ANO1: variants seen among roughly 807,000 people sequenced by gnomAD.
The protein encoded by ANO1 is anoctamin-1.
Under a neutral mutation model 124.0 loss-of-function variants are expected in ANO1, and 59 were observed. That is an observed-to-expected ratio of 0.48 (90% confidence interval 0.39 to 0.59). ANO1 has a LOEUF of 0.59. Among genes scored for constraint, ANO1 ranks in the 20% least tolerant of loss-of-function variants. ANO1 has a pLI of 0.00. For synonymous variants in ANO1, 529 were observed against 532.0 expected, an observed-to-expected ratio of 0.99 and a Z score of 0.08; for missense variants, 1,059 against 1,328.0, an observed-to-expected ratio of 0.80 and a Z score of 3.15.
chr11:69,987,115 A>G (rs1169454033), intron 1 of ANO1, among the ~76,000 whole-genome samples: 2 of 151,914 alleles, frequency 1.3e-5, no homozygotes, highest in African/African-American at 2.4e-5. Context: ...GCTTCTTTCT[A>G]GAAGTGACAC....
At chr11:70,171,828 C>T (rs1042976437) in intron 22 of ANO1, among the ~76,000 whole-genome samples, 2 of 152,062 alleles carry the variant, frequency 1.3e-5, no homozygotes, top group African/African-American at 2.4e-5. Context: ...ATGAGCTGGG[C>T]GTGATGGTGC....
chr11:70,168,839 G>A (rs373526084), intron 21 of ANO1, among the ~76,000 whole-genome samples: 1 of 152,148 alleles, frequency 6.6e-6, no homozygotes, highest in African/African-American at 2.4e-5. Flanking sequence ...CCTGTTAGCC[G>A]AATTGTCCAC....
At chr11:70,135,654 T>A (rs971542271) in intron 11 of ANO1, among the ~76,000 whole-genome samples, 2 of 152,178 alleles carry the variant, frequency 1.3e-5, no homozygotes, top group Non-Finnish European at 2.9e-5. Context: ...CTCCCTCCTC[T>A]GCAGAGAAAG....
chr11:70,066,574 T>C (rs1013383940), intron 1 of ANO1, among the ~76,000 whole-genome samples: 8 of 146,198 alleles, frequency 5.5e-5, no homozygotes, highest in African/African-American at 2.0e-4. Flanking sequence ...ATTTGCCAAA[T>C]GTCTGCAATG....
At chr11:69,969,540 G>A in the ANO1 span, among the ~76,000 whole-genome samples, 1 of 152,306 alleles carries the variant, frequency 6.6e-6, no homozygotes, top group Non-Finnish European at 1.5e-5. Flanking sequence ...CTTTAGACTA[G>A]GAACCTGAGC....
chr11:70,002,137 C>G (rs1333387994), intron 1 of ANO1, among the ~76,000 whole-genome samples: 8 of 152,044 alleles, frequency 5.3e-5, no homozygotes, highest in African/African-American at 1.9e-4. Flanking sequence ...TTTAATGTAC[C>G]TTTTCTATGT....
At chr11:70,059,607 A>G (rs1440681899) in intron 1 of ANO1, among the ~76,000 whole-genome samples, 6 of 152,160 alleles carry the variant, frequency 3.9e-5, no homozygotes, top group Non-Finnish European at 4.4e-5. Flanking sequence ...ATGCGTAGGA[A>G]AAGGAGGAGG....
In ANO1 at chr11:70,126,196, G is replaced by A. The variant is rs1305472188; in HGVS notation, c.1097+1G>A. 1 of 1,610,718 alleles carries A rather than the reference G, an allele frequency of 6.2e-7. No homozygotes were observed. Among genetic ancestry groups the A allele is most frequent in the Non-Finnish European group, 8.5e-7 (1 of 1,178,668 alleles). On this transcript the variant is annotated splice_donor_variant, in intron 10 of 25. Transcript: ENST00000355303. LOFTEE classifies it high-confidence loss of function. Reference sequence around the variant, plus strand: ...CCACCATGGATGAAAACATCCCCAGGTAGGCGGCAGCCCACCCCCACCACC... The same window carrying A: ...CCACCATGGATGAAAACATCCCCAGATAGGCGGCAGCCCACCCCCACCACC...
At chr11:70,018,169 A>G (rs1343565273) in intron 1 of ANO1, 1 of 152,036 alleles carries the variant, frequency 6.6e-6, no homozygotes, top group Non-Finnish European at 1.5e-5. Context: ...AGTCTGGGCA[A>G]CAGAGCAAGA....
intron 2 of ANO1, among the ~76,000 whole-genome samples, chr11:70,094,695 G>A (rs1273157314): frequency 6.6e-6 from 1 of 152,176 alleles, no homozygotes; most frequent in East Asian, 1.9e-4. Flanking sequence ...CCCAGGGGAG[G>A]AAGAATGGGC....
chr11:70,168,137 G>A (rs536988303), intron 21 of ANO1, among the ~76,000 whole-genome samples: 108 of 152,252 alleles, frequency 7.1e-4, no homozygotes, highest in African/African-American at 2.3e-3. Context: ...GGTGTGGTCC[G>A]CACAGCTCTG....
chr11:70,094,067 G>A (rs1359772363), intron 2 of ANO1, among the ~76,000 whole-genome samples: 1 of 152,210 alleles, frequency 6.6e-6, no homozygotes, highest in Non-Finnish European at 1.5e-5. Context: ...TAATCCTCGA[G>A]CCCACAGAGG....
intron 1 of ANO1, among the ~76,000 whole-genome samples, chr11:70,084,079 G>A (rs1057385816): frequency 2.6e-5 from 4 of 152,088 alleles, no homozygotes; most frequent in East Asian, 1.9e-4. Flanking sequence ...GGGGGAGGGG[G>A]AGAGGAGACT....
At chr11:70,044,382 C>T (rs969387093) in intron 1 of ANO1, among the ~76,000 whole-genome samples, 1 of 152,020 alleles carries the variant, frequency 6.6e-6, no homozygotes, top group African/African-American at 2.4e-5. Flanking sequence ...TAGTTTGAAT[C>T]AAAAAGCAAA....
At chr11:70,162,835 C>T (rs2048110543) in intron 18 of ANO1, among the ~76,000 whole-genome samples, 1 of 152,236 alleles carries the variant, frequency 6.6e-6, no homozygotes, top group Non-Finnish European at 1.5e-5. Context: ...GGTTGTCTAT[C>T]CCCACCCAGG....
intron 24 of ANO1, among the ~76,000 whole-genome samples, chr11:70,183,846 C>G (rs549693922): frequency 6.6e-6 from 1 of 152,366 alleles, no homozygotes; most frequent in South Asian, 2.1e-4. Flanking sequence ...CCCCCCACCC[C>G]GGAATTCTCC....
chr11:70,018,433 G>A (rs1447273046), intron 1 of ANO1: 2 of 152,202 alleles, frequency 1.3e-5, no homozygotes, highest in Non-Finnish European at 2.9e-5. Flanking sequence ...TTTGTGGGCA[G>A]GTGGGCTGTG....
At chr11:70,051,138 T>C (rs1857344101) in intron 1 of ANO1, among the ~76,000 whole-genome samples, 1 of 152,154 alleles carries the variant, frequency 6.6e-6, no homozygotes, top group Admixed American at 6.5e-5. Context: ...TAAAGAACAT[T>C]ACCAGCTCCC....
At chr11:70,126,258 G>A in intron 10 of ANO1, 63 bp downstream of exon 10, 8 of 1,549,948 alleles carry the variant, frequency 5.2e-6, no homozygotes, top group Non-Finnish European at 7.0e-6. Context: ...TGCCATCCCA[G>A]CTGCACAATT....
Sources: gnomAD v4.1 joint callset for allele counts (sites outside exome capture counted in the v4.1 genomes callset) on GRCh38, gnomAD v4.1.1 for gene constraint, MANE v1.5 for transcripts, NCBI Gene and HGNC (gene_info 2026-07-23, HGNC 2026-07-21) for gene names.